The following NDUFAF2 variants were observed in gnomAD, a reference collection of about 807,000 sequenced individuals.
The protein encoded by NDUFAF2 is NADH:ubiquinone oxidoreductase complex assembly factor 2.
NDUFAF2 carries 13 observed loss-of-function variants against 22.8 expected under a neutral mutation model. The observed-to-expected ratio is 0.57, with a 90% confidence interval of 0.37 to 0.91. The LOEUF is 0.91. Among genes scored for constraint, NDUFAF2 ranks in the 40% least tolerant of loss-of-function variants. NDUFAF2 has a pLI of 0.01. For missense variants in NDUFAF2, 162 were observed against 195.2 expected, an observed-to-expected ratio of 0.83 and a Z score of 1.01; for synonymous variants, 53 against 64.2, an observed-to-expected ratio of 0.83 and a Z score of 0.84.
intron 2 of NDUFAF2, among the ~76,000 whole-genome samples, chr5:61,098,456 C>G (rs1371773784): frequency 2.0e-5 from 3 of 152,224 alleles, no homozygotes; most frequent in African/African-American, 7.2e-5. Context: ...CAAATGTGGG[C>G]TCTATCTCTG....
intron 1 of NDUFAF2, among the ~76,000 whole-genome samples, chr5:60,957,176 TAGAG>T (rs1342141255): frequency 6.6e-6 from 1 of 152,130 alleles, no homozygotes; most frequent in East Asian, 1.9e-4. Flanking sequence ...TAAAATATAG[TAGAG>T]AGAATGAGAA....
intron 1 of NDUFAF2, among the ~76,000 whole-genome samples, chr5:60,985,045 G>C (rs1751052507): frequency 6.6e-6 from 1 of 152,140 alleles, no homozygotes; most frequent in Admixed American, 6.6e-5. Flanking sequence ...TGGTTGGTAA[G>C]CTGTTAATTA....
intron 1 of NDUFAF2, among the ~76,000 whole-genome samples, chr5:60,955,187 T>G (rs1161186356): frequency 6.6e-6 from 1 of 152,220 alleles, no homozygotes; most frequent in Non-Finnish European, 1.5e-5. Flanking sequence ...TTCTAAGAGT[T>G]TTGTAGTTTA....
In NDUFAF2 at chr5:61,109,249, A is replaced by G. The variant is rs188181664; in HGVS notation, c.258+10217A>G. Among the ~76,000 whole-genome samples the G allele has an allele frequency of 2.0e-5, 3 of 152,122 alleles. No individual in the cohort carries two copies. The East Asian group carries it at 5.8e-4, about 29-fold the overall frequency. On this transcript the variant is annotated intron_variant, in intron 3 of 3. Transcript: ENST00000296597. ...AATGGGATTACTTCCCTGATTTCAG[A>G]TTGTTTGCTGGTGGCATATAGAAAT...
chr5:61,098,023 G>A (rs1376697572), intron 2 of NDUFAF2, among the ~76,000 whole-genome samples: 1 of 152,046 alleles, frequency 6.6e-6, no homozygotes, highest in Admixed American at 6.6e-5. Context: ...ATACAACATT[G>A]CAGGCTAAGC....
Position 61,002,030 on chromosome 5 carries a change from A to G in NDUFAF2, c.127+56648A>G, listed in dbSNP as rs534407781. On this transcript the variant is annotated intron_variant, in intron 1 of 3. Coordinates refer to ENST00000296597, the MANE Select transcript of NDUFAF2 (RefSeq NM_174889.5). ...CAGTGTAGGGTGGTGCAAGCTGCCTACATGGATCAGCTCCATCAATAAGCA... is the reference window on the plus strand; with the variant it reads ...CAGTGTAGGGTGGTGCAAGCTGCCTGCATGGATCAGCTCCATCAATAAGCA... Among the ~76,000 whole-genome samples the G allele has an allele frequency of 3.9e-5, 6 of 152,234 alleles. No individual in the cohort carries two copies. The South Asian group carries it at 6.2e-4, about 16-fold the overall frequency.
chr5:61,120,263 T>A (rs989834966), intron 3 of NDUFAF2, among the ~76,000 whole-genome samples: 5 of 152,198 alleles, frequency 3.3e-5, no homozygotes, highest in African/African-American at 1.2e-4. Flanking sequence ...CATGAATCAT[T>A]TGAATGTTTT....
intron 2 of NDUFAF2, among the ~76,000 whole-genome samples, chr5:61,091,964 T>C (rs190119417): frequency 7.5e-4 from 114 of 152,290 alleles, no homozygotes; most frequent in African/African-American, 2.6e-3. Flanking sequence ...TCTTTCCCCA[T>C]TGCTTGTTTG....
chr5:61,078,080 C>G (rs1274124260), intron 2 of NDUFAF2, among the ~76,000 whole-genome samples: 1 of 152,112 alleles, frequency 6.6e-6, no homozygotes, highest in African/African-American at 2.4e-5. Context: ...GGCCCGTCAC[C>G]CCCAGTGATA....
chr5:61,061,517 T>C (rs903829586), intron 1 of NDUFAF2, among the ~76,000 whole-genome samples: 12 of 152,194 alleles, frequency 7.9e-5, no homozygotes, highest in Non-Finnish European at 1.6e-4. Flanking sequence ...TGTATTGATA[T>C]TTTTTATAAT....
At chr5:61,143,706 T>A (rs1172933898) in intron 3 of NDUFAF2, among the ~76,000 whole-genome samples, 1 of 152,136 alleles carries the variant, frequency 6.6e-6, no homozygotes, top group African/African-American at 2.4e-5. Flanking sequence ...CCCAGTTACA[T>A]GGGCCTAAGA....
chr5:61,085,608 A>C (rs1388119709), intron 2 of NDUFAF2, among the ~76,000 whole-genome samples: 1 of 152,228 alleles, frequency 6.6e-6, no homozygotes, highest in Non-Finnish European at 1.5e-5. Flanking sequence ...TGACATGATT[A>C]CATGTAGACA....
intron 3 of NDUFAF2, among the ~76,000 whole-genome samples, chr5:61,142,740 C>G (rs903966702): frequency 6.6e-6 from 1 of 152,238 alleles, no homozygotes; most frequent in Non-Finnish European, 1.5e-5. Context: ...TACTATCATA[C>G]TAACCTAAGC....
At chr5:61,030,288 C>T (rs1279799251) in intron 1 of NDUFAF2, among the ~76,000 whole-genome samples, 1 of 152,068 alleles carries the variant, frequency 6.6e-6, no homozygotes, top group Non-Finnish European at 1.5e-5. Context: ...ACATATGGTT[C>T]TGATTGTGTA....
chr5:60,975,242 A>T (rs897561770), intron 1 of NDUFAF2, among the ~76,000 whole-genome samples: 1 of 152,104 alleles, frequency 6.6e-6, no homozygotes, highest in Non-Finnish European at 1.5e-5. Context: ...CGACACTCCA[A>T]TTTATTTGGC....
At chr5:60,945,556 C>T (rs921367262) in intron 1 of NDUFAF2, 174 bp downstream of exon 1, 2 of 986,024 alleles carry the variant, frequency 2.0e-6, no homozygotes, top group African/African-American at 1.6e-5. Context: ...GCATCGGAGC[C>T]CTACCCGGCC....
intron 1 of NDUFAF2, among the ~76,000 whole-genome samples, chr5:60,969,636 T>C (rs1293252025): frequency 6.6e-6 from 1 of 152,150 alleles, no homozygotes; most frequent in Admixed American, 6.6e-5. Flanking sequence ...CCTTGTCAGA[T>C]GGGTAGTGTG....
intron 1 of NDUFAF2, among the ~76,000 whole-genome samples, chr5:61,000,067 A>G (rs992716072): frequency 6.6e-6 from 1 of 152,160 alleles, no homozygotes; most frequent in African/African-American, 2.4e-5. Context: ...AGAAAAAATT[A>G]AACTTGTTAT....
chr5:61,140,013 C>A (rs1741026438), intron 3 of NDUFAF2, among the ~76,000 whole-genome samples: 1 of 152,216 alleles, frequency 6.6e-6, no homozygotes, highest in African/African-American at 2.4e-5. Context: ...GTACACTCTT[C>A]GAATGTTAGC....
Sources: gnomAD v4.1 joint callset for allele counts (sites outside exome capture counted in the v4.1 genomes callset) on GRCh38, gnomAD v4.1.1 for gene constraint, MANE v1.5 for transcripts, NCBI Gene and HGNC (gene_info 2026-07-23, HGNC 2026-07-21) for gene names.